The following IMMP2L variants were observed in gnomAD, a reference collection of about 807,000 sequenced individuals.
IMMP2L encodes mitochondrial inner membrane protease subunit 2.
A neutral mutation model predicts 19.3 loss-of-function variants in IMMP2L; 18 were observed. The ratio of observed to expected loss-of-function variants is 0.93; its 90% CI spans 0.64 to 1.38. The LOEUF is 1.38. Among genes scored for constraint, IMMP2L ranks in the 40% most tolerant of loss-of-function variants. The probability of loss-of-function intolerance (pLI) is 0.00; values close to 1 mark genes in which losing one functional copy is unlikely to be tolerated. For synonymous variants in IMMP2L, 76 were observed against 73.0 expected, an observed-to-expected ratio of 1.04 and a Z score of -0.21; for missense variants, 233 against 218.2, an observed-to-expected ratio of 1.07 and a Z score of -0.43.
At chr7:110,787,513 G>T (rs1376584977) in intron 5 of IMMP2L, among the ~76,000 whole-genome samples, 1 of 151,904 alleles carries the variant, frequency 6.6e-6, no homozygotes, top group African/African-American at 2.4e-5. Flanking sequence ...CTTGGTACTA[G>T]AAAATATATA....
At chr7:111,052,950 T>G (rs1793133978) in intron 3 of IMMP2L, among the ~76,000 whole-genome samples, 1 of 152,142 alleles carries the variant, frequency 6.6e-6, no homozygotes, top group Non-Finnish European at 1.5e-5. Context: ...CCACAAAAAT[T>G]CAGCATCAGA....
At chr7:111,206,986 G>A (rs1810780331) in intron 3 of IMMP2L, among the ~76,000 whole-genome samples, 1 of 152,002 alleles carries the variant, frequency 6.6e-6, no homozygotes, top group Non-Finnish European at 1.5e-5. Context: ...AACTCTTTCT[G>A]AATAAAAAAT....
intron 5 of IMMP2L, among the ~76,000 whole-genome samples, chr7:110,725,535 A>G (rs1383517821): frequency 1.3e-5 from 2 of 152,164 alleles, no homozygotes; most frequent in Admixed American, 6.5e-5. Context: ...CTATATATTC[A>G]TTTTTAGATT....
At chr7:110,812,539 G>A (rs540499206) in intron 5 of IMMP2L, among the ~76,000 whole-genome samples, 1 of 152,152 alleles carries the variant, frequency 6.6e-6, no homozygotes, top group South Asian at 2.1e-4. Context: ...GGCATCAGAA[G>A]GCTTTATTTA....
At chr7:111,032,196 C>A (rs1231278662) in intron 3 of IMMP2L, among the ~76,000 whole-genome samples, 1 of 152,156 alleles carries the variant, frequency 6.6e-6, no homozygotes, top group African/African-American at 2.4e-5. Flanking sequence ...CTATCTTGGC[C>A]TCCCACAGTG....
chr7:111,445,606 A>G (rs1364927322), intron 3 of IMMP2L, among the ~76,000 whole-genome samples: 2 of 152,188 alleles, frequency 1.3e-5, no homozygotes, highest in African/African-American at 2.4e-5. Context: ...AATATATTCT[A>G]ACGTTCTAGG....
At chr7:111,514,250 A>G (rs1845691013) in intron 2 of IMMP2L, among the ~76,000 whole-genome samples, 1 of 152,112 alleles carries the variant, frequency 6.6e-6, no homozygotes, top group South Asian at 2.1e-4. Flanking sequence ...TGTGGTAATC[A>G]TTTCATAATG....
chr7:110,725,650 T>C (rs1302442035), intron 5 of IMMP2L: 1 of 152,190 alleles, frequency 6.6e-6, no homozygotes, highest in Non-Finnish European at 1.5e-5. Flanking sequence ...AGAAATACAA[T>C]AGCCTTGAAA....
At chr7:110,793,008 C>T (rs1016462501) in intron 5 of IMMP2L, among the ~76,000 whole-genome samples, 15 of 152,032 alleles carry the variant, frequency 9.9e-5, no homozygotes, top group Non-Finnish European at 1.9e-4. Flanking sequence ...ATCTCACTTA[C>T]ACATGGAATC....
intron 5 of IMMP2L, among the ~76,000 whole-genome samples, chr7:110,839,151 TCA>T (rs1442616488): frequency 3.1e-4 from 47 of 152,110 alleles, no homozygotes; most frequent in Non-Finnish European, 5.9e-5. Context: ...AGACGATGAT[TCA>T]CAGTGAAAAT....
At chr7:111,301,043 A>G (rs919924443) in intron 3 of IMMP2L, among the ~76,000 whole-genome samples, 4 of 152,064 alleles carry the variant, frequency 2.6e-5, no homozygotes, top group African/African-American at 9.7e-5. Flanking sequence ...GTGGCTGTAC[A>G]ATTTTGTGTA....
At chr7:110,872,004 A>T (rs1226753445) in intron 5 of IMMP2L, among the ~76,000 whole-genome samples, 1 of 152,116 alleles carries the variant, frequency 6.6e-6, no homozygotes, top group Non-Finnish European at 1.5e-5. Flanking sequence ...TGCTGCTAGG[A>T]TCACTTATCT....
Position 111,548,921 on chromosome 7 carries a change from C to T in IMMP2L, c.-3+12930G>A, listed in dbSNP as rs1311573299. Among the ~76,000 whole-genome samples the T allele has an allele frequency of 2.0e-5, 3 of 152,170 alleles. No homozygotes were observed. In the East Asian group the frequency reaches 5.8e-4, roughly 29 times the overall value. ...GGAAATAATGTGTCTCTGACACTATCCAAAAATGTGGCAACATAATTTATG... is the reference window on the plus strand; with the variant it reads ...GGAAATAATGTGTCTCTGACACTATTCAAAAATGTGGCAACATAATTTATG... On this transcript the variant is annotated intron_variant, in intron 1 of 5. Coordinates refer to ENST00000405709, the MANE Select transcript of IMMP2L (RefSeq NM_032549.4).
Position 111,225,844 on chromosome 7 carries a change from A to G in IMMP2L, c.239+261394T>C, listed in dbSNP as rs147991087. On this transcript the variant is annotated intron_variant, in intron 3 of 5. Transcript: ENST00000405709. ...TTGTTTCAGTGTGATTTTGCTTCCA[A>G]AAGATAAGACTTGTTAAGTGTTCTT... Among the ~76,000 whole-genome samples, 126 of 152,230 alleles carry G rather than the reference A, an allele frequency of 8.3e-4. 1 individual carries two copies. The highest frequency in any genetic ancestry group is 3.7e-4 in the Non-Finnish European group (25 of 68,000).
chr7:110,845,587 A>T (rs1312362572), intron 5 of IMMP2L, among the ~76,000 whole-genome samples: 1 of 152,100 alleles, frequency 6.6e-6, no homozygotes, highest in East Asian at 1.9e-4. Context: ...TCTTTACTAA[A>T]CTTATTTCCA....
chr7:110,908,931 A>G (rs1161663341), intron 4 of IMMP2L, among the ~76,000 whole-genome samples: 2 of 152,242 alleles, frequency 1.3e-5, no homozygotes, highest in Non-Finnish European at 2.9e-5. Context: ...GGAAAGATAG[A>G]CATTAATCAA....
chr7:111,177,361 T>C (rs1807192237), intron 3 of IMMP2L, among the ~76,000 whole-genome samples: 1 of 151,982 alleles, frequency 6.6e-6, no homozygotes, highest in Non-Finnish European at 1.5e-5. Flanking sequence ...AAATTTTTTC[T>C]GTAGAGATGG....
intron 5 of IMMP2L, among the ~76,000 whole-genome samples, chr7:110,881,234 T>C (rs1363884626): frequency 6.6e-6 from 1 of 152,148 alleles, no homozygotes; most frequent in Admixed American, 6.6e-5. Flanking sequence ...ACACAAATAT[T>C]TTCATTATAA....
intron 3 of IMMP2L, among the ~76,000 whole-genome samples, chr7:111,224,192 G>A (rs966161271): frequency 6.6e-6 from 1 of 152,084 alleles, no homozygotes; most frequent in Non-Finnish European, 1.5e-5. Context: ...GATGATGCAT[G>A]AGGAAGTGCT....
Sources: gnomAD v4.1 joint callset for allele counts (sites outside exome capture counted in the v4.1 genomes callset) on GRCh38, gnomAD v4.1.1 for gene constraint, MANE v1.5 for transcripts, NCBI Gene and HGNC (gene_info 2026-07-23, HGNC 2026-07-21) for gene names.